Variants in TRIM33 observed in about 807,000 individuals in gnomAD.
The protein encoded by TRIM33 is tripartite motif containing 33.
Under a neutral mutation model 125.4 loss-of-function variants are expected in TRIM33, and 20 were observed. That is an observed-to-expected ratio of 0.16 (90% CI 0.11 to 0.23). TRIM33 has a LOEUF of 0.23. TRIM33 is among the 10% of genes least tolerant of loss of function. The probability of loss-of-function intolerance (pLI) is 1.00; values close to 1 mark genes in which losing one functional copy is unlikely to be tolerated. For synonymous variants in TRIM33, 564 were observed against 513.9 expected (o/e 1.10, Z -1.32); for missense variants, 920 against 1,411.4 (o/e 0.65, Z 5.58).
intron 4 of TRIM33, among the ~76,000 whole-genome samples, chr1:114,451,673 G>A (rs1356686321): frequency 6.6e-6 from 1 of 151,670 alleles, no homozygotes; most frequent in African/African-American, 2.4e-5. Flanking sequence ...GGCTGCAACT[G>A]TAATAACAGC....
At chr1:114,399,418 C>G (rs1651739881) in intron 18 of TRIM33, 39 bp downstream of exon 18, 1 of 1,544,336 alleles carries the variant, frequency 6.5e-7, no homozygotes, top group African/African-American at 1.4e-5. Context: ...CAAACAAAAA[C>G]TAACAAATCA....
chr1:114,471,576 T>C (rs972228131), intron 1 of TRIM33, among the ~76,000 whole-genome samples: 2 of 151,628 alleles, frequency 1.3e-5, no homozygotes, highest in South Asian at 2.1e-4. Context: ...CTTCAAGACA[T>C]ACCTATTGAA....
chr1:114,499,882 C>G (rs1312100687), intron 1 of TRIM33, among the ~76,000 whole-genome samples: 1 of 152,146 alleles, frequency 6.6e-6, no homozygotes, highest in Non-Finnish European at 1.5e-5. Flanking sequence ...AAAAATAGGT[C>G]GGGCACAGTG....
intron 11 of TRIM33, among the ~76,000 whole-genome samples, chr1:114,420,923 C>T (rs1421442690): frequency 1.3e-5 from 2 of 152,158 alleles, no homozygotes; most frequent in East Asian, 3.8e-4. Flanking sequence ...ATCTGCACTC[C>T]CATGTTCATT....
chr1:114,510,887 C>T lies in TRIM33; in HGVS notation c.190G>A (p.Asp64Asn). The part of the protein sequence containing the change: ...GAEGGAAGPD[D>N]GGVAAASSGS... ...GAGGAGGCCGCGGCCACCCCCCCGT[C>T]GTCGGGCCCGGCCGCGCCGCCCTCA... Residue 64 changes from aspartate (D) to asparagine (N), a missense_variant, in exon 1 of 20, where the codon GAC becomes AAC. Coordinates refer to ENST00000358465, the MANE Select transcript of TRIM33 (RefSeq NM_015906.4). 1 of 1,443,088 alleles carries T rather than the reference C, an allele frequency of 6.9e-7. No individual in the cohort carries two copies. 89.4% of individuals were successfully genotyped at this position (1,443,088 alleles called of 1,614,324 possible). A position where few individuals can be genotyped will look rare whatever the true frequency, so the allele number is the denominator to read the frequency against.
chr1:114,442,790 G>C (rs1407694043), intron 4 of TRIM33, among the ~76,000 whole-genome samples: 2 of 150,758 alleles, frequency 1.3e-5, no homozygotes, highest in Non-Finnish European at 3.0e-5. Context: ...TTAAAGCTAT[G>C]AATAATGCAA....
intron 1 of TRIM33, among the ~76,000 whole-genome samples, chr1:114,509,024 T>C (rs578222306): frequency 6.6e-6 from 1 of 152,288 alleles, no homozygotes; most frequent in East Asian, 1.9e-4. Context: ...ATCATTCCTT[T>C]ACTACCCATT....
At chr1:114,416,137 G>A (rs575844781) in intron 11 of TRIM33, among the ~76,000 whole-genome samples, 58 of 152,228 alleles carry the variant, frequency 3.8e-4, no homozygotes, top group African/African-American at 1.4e-3. Context: ...CATTAATAGT[G>A]ATCCAAGTTT....
At chr1:114,455,239 T>A (rs78459848) in intron 4 of TRIM33, among the ~76,000 whole-genome samples, 3 of 152,188 alleles carry the variant, frequency 2.0e-5, no homozygotes, top group Non-Finnish European at 4.4e-5. Context: ...AAAGGGCAAC[T>A]ATCCTCCTCC....
rs1653279513 is a variant in TRIM33 at position 114,421,497 on chromosome 1, A to C, written c.2000T>G (p.Leu667Arg). 6.2e-7 allele frequency: 1 copy of C among 1,614,188 alleles called. No homozygotes were observed. The highest frequency in any genetic ancestry group is 8.5e-7 in the Non-Finnish European group (1 of 1,180,024). Residue 667 changes from leucine to arginine, a missense_variant, in exon 11 of 20, where the codon CTA (leucine) becomes CGA (arginine). Leu to Arg is a moderately radical substitution (Grantham distance 102, BLOSUM62 -2). Around this residue, in one of 8 missense-constraint regions of TRIM33, gnomAD observed 407 missense variants for 589.7 expected, o/e 0.69. Coordinates refer to ENST00000358465, the MANE Select transcript of TRIM33 (RefSeq NM_015906.4). ...TTCTGGATTGGTAACTGAGGGGATTAGCTCTATTGCTGTAACAGATGGGCT... is the reference window on the plus strand; with the variant it reads ...TTCTGGATTGGTAACTGAGGGGATTCGCTCTATTGCTGTAACAGATGGGCT... ...PTSPSVTAIE[L>R]IPSVTNPENL... is the part of the protein sequence containing the mutation.
intron 4 of TRIM33, among the ~76,000 whole-genome samples, chr1:114,437,634 G>A (rs895810736): frequency 2.0e-5 from 3 of 152,208 alleles, no homozygotes; most frequent in Non-Finnish European, 4.4e-5. Flanking sequence ...ACCGCACCCA[G>A]TCTAAAGTAG....
At position 114,397,799 on chromosome 1, in the gene TRIM33, G is replaced by T; in HGVS notation, c.3233C>A (p.Thr1078Lys). Residue 1078 changes from threonine to lysine, a missense_variant, in exon 20 of 20, where the codon ACA becomes AAA. By Grantham distance (78) the Thr-to-Lys change is moderately conservative. Around this residue, in one of 8 missense-constraint regions of TRIM33, gnomAD observed 122 missense variants for 236.8 expected, o/e 0.52. Transcript: ENST00000358465. ...GAAGGTCCTGTCTGAGTAGATCTCT[G>T]TGAGTTTATCTTCAAAGTACAATGC... ...AVALYFEDKLTEIYSDRTFAP... is the reference protein window; with the variant it reads ...AVALYFEDKLKEIYSDRTFAP... 1.9e-6 allele frequency: 3 copies of T among 1,613,778 alleles called. No individual in the cohort carries two copies. The highest frequency in any genetic ancestry group is 2.5e-6 in the Non-Finnish European group (3 of 1,179,928).
At chr1:114,486,357 T>C (rs902028131) in intron 1 of TRIM33, among the ~76,000 whole-genome samples, 6 of 149,248 alleles carry the variant, frequency 4.0e-5, no homozygotes, top group African/African-American at 1.5e-4. Flanking sequence ...CCAATGGAAA[T>C]TATAGGATTA....
chr1:114,411,215 G>GTT (rs112830567), intron 11 of TRIM33, among the ~76,000 whole-genome samples: 14 of 146,858 alleles, frequency 9.5e-5, no homozygotes, highest in South Asian at 2.1e-4. Flanking sequence ...TAATTTTTGT[G>GTT]TTTTTTTTTT....
At chr1:114,410,511 T>G (rs982719110) in intron 11 of TRIM33, among the ~76,000 whole-genome samples, 195 bp from the exon 12 acceptor site, 7 of 152,204 alleles carry the variant, frequency 4.6e-5, no homozygotes, top group Admixed American at 6.5e-5. Flanking sequence ...ACTGTATTAT[T>G]CAGCAAACAA....
chr1:114,463,608 T>TA (rs34437690), intron 2 of TRIM33, 52 bp from the exon 3 acceptor site: 70,969 of 802,122 alleles, frequency 0.088, 12 homozygotes, highest in East Asian at 0.17. Context: ...AATCTAGATC[T>TA]AAAAAAAAAA....
rs1263692709 is a variant in TRIM33, at chr1:114,394,961, A to T, written c.*2687T>A. The T allele has an allele frequency of 5.1e-6, 1 of 196,120 alleles. No homozygotes were observed. Among genetic ancestry groups the T allele is most frequent in the Non-Finnish European group, 1.1e-5 (1 of 94,518 alleles). The allele number at this position is 196,120 out of a possible 1,614,324, so 12.1% of individuals were successfully genotyped here. A position where few individuals can be genotyped will look rare whatever the true frequency, so the allele number is the denominator to read the frequency against. On this transcript the variant is annotated 3_prime_UTR_variant, in exon 20 of 20. Coordinates refer to ENST00000358465, the MANE Select transcript of TRIM33 (RefSeq NM_015906.4). ...TCTCCAAATCTTCTAAAATACTGCC[A>T]TTTAAAAAACAAATACAAATGTGAG...
chr1:114,501,059 G>A (rs575325281), intron 1 of TRIM33, among the ~76,000 whole-genome samples: 2 of 114,828 alleles, frequency 1.7e-5, no homozygotes, highest in East Asian at 4.0e-4. Context: ...GCGTAGTGGC[G>A]GGCGCCTGTA....
chr1:114,415,946 T>TAAA lies in TRIM33; in HGVS notation c.2061+5487_2061+5489dup, dbSNP rs34898099. 9.7e-3 allele frequency among the ~76,000 whole-genome samples: 887 copies of TAAA among 91,452 alleles called. 11 individuals carry two copies. Among genetic ancestry groups the TAAA allele is most frequent in the African/African-American group, 0.034 (830 of 24,446 alleles). The allele number at this position is 91,452 out of a possible 152,430, so 60.0% of individuals were successfully genotyped here. A position where few individuals can be genotyped will look rare whatever the true frequency, so the allele number is the denominator to read the frequency against. On this transcript the variant is annotated intron_variant, in intron 11 of 19. Transcript: ENST00000358465. ...CAGCCTGAGCAACAAAGACTCCATC[T>TAAA]AAAAAAAAAAAAAAAAAAAGCACAA...
Sources: allele counts gnomAD v4.1 joint callset (sites outside exome capture counted in the v4.1 genomes callset), GRCh38; gene constraint gnomAD v4.1.1; regional missense constraint gnomAD v4.1.1; transcripts MANE v1.5; gene names NCBI Gene and HGNC (gene_info 2026-07-23, HGNC 2026-07-21).